ACSS3: variants seen among roughly 807,000 people sequenced by gnomAD.
ACSS3 encodes the protein acyl-CoA synthetase short chain family member 3, also known as acyl-CoA synthetase short-chain family member 3, mitochondrial.
A neutral mutation model predicts 84.2 loss-of-function variants in ACSS3; 64 were observed. The ratio of observed to expected loss-of-function variants is 0.76; its 90% CI spans 0.62 to 0.94. The LOEUF is 0.94. ACSS3 is among the 40% of genes least tolerant of loss of function. ACSS3 has a pLI of 0.00. For synonymous variants in ACSS3, 317 were observed against 310.1 expected, an observed-to-expected ratio of 1.02 and a Z score of -0.23; for missense variants, 815 against 867.6, an observed-to-expected ratio of 0.94 and a Z score of 0.76.
intron 3 of ACSS3, among the ~76,000 whole-genome samples, chr12:81,135,930 A>G (rs553593287): frequency 6.6e-6 from 1 of 152,248 alleles, no homozygotes; most frequent in East Asian, 1.9e-4. Context: ...CTTGTCATAT[A>G]TTTGGGTGTA....
intron 2 of ACSS3, among the ~76,000 whole-genome samples, chr12:81,126,197 A>C (rs1885082708): frequency 6.6e-6 from 1 of 152,210 alleles, no homozygotes; most frequent in Non-Finnish European, 1.5e-5. Context: ...TTTTTCAGCC[A>C]AATGGCACAT....
At chr12:81,145,397 T>C (rs1407695791) in intron 5 of ACSS3, among the ~76,000 whole-genome samples, 2 of 152,202 alleles carry the variant, frequency 1.3e-5, no homozygotes, top group East Asian at 3.8e-4. Flanking sequence ...TGACTCAATA[T>C]AATGTATTTG....
At chr12:81,147,265 G>A (rs552896042) in intron 5 of ACSS3, among the ~76,000 whole-genome samples, 1 of 152,302 alleles carries the variant, frequency 6.6e-6, no homozygotes, top group East Asian at 1.9e-4. Flanking sequence ...GAAGATTCAA[G>A]ATTCACTAAG....
rs768942920 is a variant in ACSS3 at position 81,251,668 on chromosome 12, C to CAAAAAAAAG, written c.1720-1631_1720-1630insGAAAAAAAA. Among the ~76,000 whole-genome samples the CAAAAAAAAG allele has an allele frequency of 2.6e-3, 224 of 87,842 alleles. 4 individuals carry two copies. The highest frequency in any genetic ancestry group is 4.1e-3 in the African/African-American group (103 of 25,096). 57.6% of individuals were successfully genotyped at this position (87,842 alleles called of 152,430 possible). ...GGAACATGGCGAAACCCCATCTCTACAAAAAAAAAAAAAAAATACAAAAAT... is the reference window on the plus strand; with the variant it reads ...GGAACATGGCGAAACCCCATCTCTACAAAAAAAAGAAAAAAAAAAAAAAAATACAAAAAT... On this transcript the variant is annotated intron_variant, in intron 13 of 15. Coordinates refer to ENST00000548058, the MANE Select transcript of ACSS3 (RefSeq NM_024560.4).
At position 81,198,750 on chromosome 12, in the gene ACSS3, T is replaced by G. The variant is rs79173664; in HGVS notation, c.1251-591T>G. Among the ~76,000 whole-genome samples, 248 of 152,306 alleles carry G rather than the reference T, an allele frequency of 1.6e-3. 1 individual carries two copies. Among genetic ancestry groups the G allele is most frequent in the Non-Finnish European group, 3.0e-3 (202 of 68,024 alleles). On this transcript the variant is annotated intron_variant, in intron 8 of 15. Transcript: ENST00000548058. Reference sequence around the variant, plus strand: ...ATCTTTTAGTACTCTTGTATTCCTTTTGATTGAAGAACCTTTTTGACTTCC... The same window carrying G: ...ATCTTTTAGTACTCTTGTATTCCTTGTGATTGAAGAACCTTTTTGACTTCC...
At chr12:81,177,341 G>T (rs1239907733) in intron 8 of ACSS3, among the ~76,000 whole-genome samples, 2 of 152,062 alleles carry the variant, frequency 1.3e-5, no homozygotes, top group African/African-American at 4.8e-5. Context: ...AAAATAAAAG[G>T]CATCCAGAAG....
chr12:81,118,962 GT>G (rs1252236966), intron 2 of ACSS3, among the ~76,000 whole-genome samples: 2 of 152,178 alleles, frequency 1.3e-5, no homozygotes, highest in African/African-American at 4.8e-5. Context: ...GGCCACAGCA[GT>G]TCAGAGAAGG....
At chr12:81,241,727 T>C (rs936373086) in intron 13 of ACSS3, among the ~76,000 whole-genome samples, 52 of 152,272 alleles carry the variant, frequency 3.4e-4, no homozygotes, top group Non-Finnish European at 6.8e-4. Context: ...TTGTAGATTC[T>C]GGATATTAGC....
chr12:81,077,945 C>A, upstream of ACSS3: 1 of 709,034 alleles, frequency 1.4e-6, no homozygotes, highest in Non-Finnish European at 2.2e-6. Flanking sequence ...TAGCCTGTTG[C>A]TTCTCTGGTC....
intron 9 of ACSS3, among the ~76,000 whole-genome samples, chr12:81,214,693 A>G (rs2032835236): frequency 6.6e-6 from 1 of 152,190 alleles, no homozygotes; most frequent in African/African-American, 2.4e-5. Flanking sequence ...AGACTAGGTT[A>G]TACTCTCACC....
chr12:81,149,749 A>C (rs1004476232), intron 5 of ACSS3, among the ~76,000 whole-genome samples: 2 of 152,188 alleles, frequency 1.3e-5, no homozygotes, highest in Non-Finnish European at 2.9e-5. Context: ...TTAAATGAGA[A>C]TCTTTGACGG....
At chr12:81,253,443 GAAT>G (rs1286810044) in intron 14 of ACSS3, 37 bp downstream of exon 14, 2 of 1,613,484 alleles carry the variant, frequency 1.2e-6, no homozygotes, top group Non-Finnish European at 1.7e-6. Context: ...CTTGGGACCT[GAAT>G]AATTAACTAA....
At chr12:81,201,476 C>T (rs1383202585) in intron 9 of ACSS3, among the ~76,000 whole-genome samples, 1 of 152,036 alleles carries the variant, frequency 6.6e-6, no homozygotes. Flanking sequence ...TACATAATAG[C>T]CTGTGTGGGT....
intron 5 of ACSS3, among the ~76,000 whole-genome samples, chr12:81,149,152 G>A (rs1286992889): frequency 1.3e-5 from 2 of 151,936 alleles, no homozygotes; most frequent in African/African-American, 4.8e-5. Flanking sequence ...AATGAAGAAG[G>A]TTTGTGTTTT....
At chr12:81,238,701 T>C (rs1185253043) in intron 13 of ACSS3, among the ~76,000 whole-genome samples, 1 of 151,686 alleles carries the variant, frequency 6.6e-6, no homozygotes, top group Non-Finnish European at 1.5e-5. Flanking sequence ...CCATGATCTG[T>C]AGTAATATGT....
intron 11 of ACSS3, among the ~76,000 whole-genome samples, chr12:81,222,181 A>T (rs2033133616): frequency 6.6e-6 from 1 of 152,098 alleles, no homozygotes; most frequent in Non-Finnish European, 1.5e-5. Context: ...TATTGTGCAG[A>T]TCCAGGGTTC....
intron 13 of ACSS3, among the ~76,000 whole-genome samples, chr12:81,252,179 T>G (rs1374978593): frequency 6.6e-6 from 1 of 152,158 alleles, no homozygotes; most frequent in Non-Finnish European, 1.5e-5. Flanking sequence ...AGAAAAAGTT[T>G]TTGAGGCCCA....
chr12:81,153,373 A>C (rs7316118), intron 7 of ACSS3, among the ~76,000 whole-genome samples: 45,112 of 149,564 alleles, frequency 0.3, 6,883 homozygotes, highest in East Asian at 0.5. Flanking sequence ...ATGCAGCTGC[A>C]CTCCAGCCTG....
intron 13 of ACSS3, 41 bp from the exon 14 acceptor site, chr12:81,253,266 T>C (rs768970870): frequency 2.0e-6 from 3 of 1,523,912 alleles, no homozygotes; most frequent in African/African-American, 1.4e-5. Context: ...ACATATATGG[T>C]AAATAAATGT....
Sources: allele counts gnomAD v4.1 joint callset (sites outside exome capture counted in the v4.1 genomes callset), GRCh38; gene constraint gnomAD v4.1.1; transcripts MANE v1.5; gene names NCBI Gene and HGNC (gene_info 2026-07-23, HGNC 2026-07-21).